Variants in KIAA1217 observed in about 807,000 individuals in gnomAD.
KIAA1217 encodes the protein KIAA1217.
In KIAA1217, 88 loss-of-function variants were observed where a neutral mutation model predicts 163.9. That is an observed-to-expected ratio of 0.54 (90% confidence interval 0.45 to 0.64). The LOEUF (loss-of-function observed/expected upper bound fraction) is 0.64, where lower values mean the gene tolerates loss of function less well. KIAA1217 is among the 30% of genes least tolerant of loss of function. The pLI is 0.00. For synonymous variants in KIAA1217, 903 were observed against 923.1 expected (o/e 0.98, Z 0.39); for missense variants, 2,372 against 2,475.0 (o/e 0.96, Z 0.88).
At chr10:23,812,627 T>C (rs1042830525) in intron 1 of KIAA1217, among the ~76,000 whole-genome samples, 4 of 152,172 alleles carry the variant, frequency 2.6e-5, no homozygotes, top group Admixed American at 2.0e-4. Flanking sequence ...CCATCAATCT[T>C]AGAACATTTT....
intron 10 of KIAA1217, among the ~76,000 whole-genome samples, chr10:24,515,249 G>A (rs1423085928): frequency 6.6e-6 from 1 of 151,742 alleles, no homozygotes; most frequent in Non-Finnish European, 1.5e-5. Flanking sequence ...TGTATTTTTA[G>A]TAAAGACGGC....
At chr10:24,093,957 G>A (rs12779759) in intron 2 of KIAA1217, among the ~76,000 whole-genome samples, 217 of 151,638 alleles carry the variant, frequency 1.4e-3, no homozygotes, top group African/African-American at 4.5e-3. Context: ...AATTTCATCC[G>A]TGTCCCTACA....
chr10:24,492,498 T>C (rs1396789947), intron 6 of KIAA1217, among the ~76,000 whole-genome samples: 2 of 152,228 alleles, frequency 1.3e-5, no homozygotes, highest in Non-Finnish European at 2.9e-5. Context: ...AGAGAGACCA[T>C]ACTATTAATA....
intron 1 of KIAA1217, among the ~76,000 whole-genome samples, chr10:23,959,289 G>T (rs1171975139): frequency 6.6e-6 from 1 of 152,098 alleles, no homozygotes; most frequent in Non-Finnish European, 1.5e-5. Flanking sequence ...CAGCACTTTA[G>T]GAGACTGAGG....
At chr10:24,497,576 T>G (rs1006670861) in intron 8 of KIAA1217, among the ~76,000 whole-genome samples, 2 of 151,754 alleles carry the variant, frequency 1.3e-5, no homozygotes, top group African/African-American at 4.8e-5. Flanking sequence ...CCACAAAAAA[T>G]GAGCGTGGTG....
chr10:23,767,385 G>A (rs1021513413), intron 1 of KIAA1217, among the ~76,000 whole-genome samples: 3 of 152,154 alleles, frequency 2.0e-5, no homozygotes, highest in Non-Finnish European at 4.4e-5. Context: ...GCTCTTGGTT[G>A]CAATATTCCA....
At chr10:24,364,883 C>T (rs540321631) in intron 2 of KIAA1217, among the ~76,000 whole-genome samples, 4 of 152,010 alleles carry the variant, frequency 2.6e-5, no homozygotes, top group African/African-American at 9.7e-5. Flanking sequence ...ACTGCACCCT[C>T]GACCTCCTGA....
At chr10:23,901,628 G>A (rs983027981) in intron 1 of KIAA1217, among the ~76,000 whole-genome samples, 1 of 152,094 alleles carries the variant, frequency 6.6e-6, no homozygotes, top group Non-Finnish European at 1.5e-5. Context: ...GAAATATTTG[G>A]CTAGGCATGG....
At chr10:24,509,844 A>C (rs2068857389) in intron 9 of KIAA1217, among the ~76,000 whole-genome samples, 1 of 152,238 alleles carries the variant, frequency 6.6e-6, no homozygotes, top group Non-Finnish European at 1.5e-5. Flanking sequence ...TGTTATTAAG[A>C]AAATCATAAG....
At chr10:23,715,408 C>A (rs892220437) in intron 1 of KIAA1217, among the ~76,000 whole-genome samples, 1 of 152,102 alleles carries the variant, frequency 6.6e-6, no homozygotes. Flanking sequence ...TCCAGTTATG[C>A]GTATTAGATC....
intron 9 of KIAA1217, among the ~76,000 whole-genome samples, chr10:24,506,693 G>A (rs1338062070): frequency 6.6e-6 from 1 of 152,142 alleles, no homozygotes; most frequent in Non-Finnish European, 1.5e-5. Context: ...GGAGAATGGG[G>A]GGAAAAAACC....
intron 1 of KIAA1217, among the ~76,000 whole-genome samples, chr10:23,921,707 G>A (rs1391007893): frequency 6.6e-6 from 1 of 152,048 alleles, no homozygotes; most frequent in African/African-American, 2.4e-5. Flanking sequence ...CACCCCCCTG[G>A]CTGTTTGGTT....
intron 11 of KIAA1217, among the ~76,000 whole-genome samples, chr10:24,520,688 A>ACACACACACACACACAC (rs370017339): frequency 1.7e-5 from 2 of 117,416 alleles, no homozygotes; most frequent in South Asian, 2.7e-4. Flanking sequence ...ACACACACAC[A>ACACACACACACACACAC]AAAAAAAATT....
intron 2 of KIAA1217, among the ~76,000 whole-genome samples, chr10:24,105,247 A>T (rs1200284186): frequency 6.6e-6 from 1 of 152,194 alleles, no homozygotes; most frequent in Non-Finnish European, 1.5e-5. Flanking sequence ...AGAAAAACTG[A>T]CTCAGGGAAC....
chr10:24,155,776 T>C lies in KIAA1217; in HGVS notation c.-170-63850T>C, dbSNP rs144762950. Reference sequence around the variant, plus strand: ...AGATGGAAGTTGCAGTGAGCCAAGATCAAGCCACTGCACTCTAACCTGGTG... The same window carrying C: ...AGATGGAAGTTGCAGTGAGCCAAGACCAAGCCACTGCACTCTAACCTGGTG... On this transcript the variant is annotated intron_variant, in intron 2 of 18. Transcript: ENST00000376462. Among the ~76,000 whole-genome samples, 174 of 151,772 alleles carry C rather than the reference T, an allele frequency of 1.1e-3. 1 individual carries two copies. Among genetic ancestry groups the C allele is most frequent in the African/African-American group, 4.1e-3 (170 of 41,382 alleles).
At chr10:23,961,881 C>G (rs1265492297) in intron 1 of KIAA1217, among the ~76,000 whole-genome samples, 1 of 152,210 alleles carries the variant, frequency 6.6e-6, no homozygotes, top group Non-Finnish European at 1.5e-5. Flanking sequence ...CTCCCTCTCT[C>G]TCTTCACTTT....
chr10:24,497,423 G>A (rs1246271175), intron 8 of KIAA1217, among the ~76,000 whole-genome samples: 1 of 152,144 alleles, frequency 6.6e-6, no homozygotes, highest in Non-Finnish European at 1.5e-5. Context: ...GTTTTCCAAA[G>A]CGACACAGCT....
At chr10:23,911,399 G>A (rs1564526727) in intron 1 of KIAA1217, among the ~76,000 whole-genome samples, 1 of 152,142 alleles carries the variant, frequency 6.6e-6, no homozygotes, top group Non-Finnish European at 1.5e-5. Context: ...TTTCATCATT[G>A]ACAGCTTCAA....
At position 23,928,615 on chromosome 10, in the gene KIAA1217, T is replaced by C. The variant is rs182509569; in HGVS notation, c.-320-78610T>C. 5.3e-5 allele frequency among the ~76,000 whole-genome samples: 8 copies of C among 152,306 alleles called. No homozygotes were observed. The East Asian group carries it at 1.4e-3, about 26-fold the overall frequency. ...TCCTGTAACTTAAAGTCTTTGAAGA[T>C]GGAAAACGGTCAATGAGCAAGGAAT... On this transcript the variant is annotated intron_variant, in intron 1 of 18. Transcript: ENST00000376462.
Sources: allele counts gnomAD v4.1 joint callset (sites outside exome capture counted in the v4.1 genomes callset), GRCh38; gene constraint gnomAD v4.1.1; transcripts MANE v1.5; gene names NCBI Gene and HGNC (gene_info 2026-07-23, HGNC 2026-07-21).